Variants in CAMK1D observed in about 807,000 individuals in gnomAD.
CAMK1D encodes calcium/calmodulin dependent protein kinase ID, also known as calcium/calmodulin-dependent protein kinase type 1D.
CAMK1D carries 9 observed loss-of-function variants against 47.7 expected under a neutral mutation model. The ratio of observed to expected loss-of-function variants is 0.19; its 90% CI spans 0.11 to 0.33. The LOEUF (loss-of-function observed/expected upper bound fraction) is 0.33. Ranked by LOEUF, CAMK1D falls within the 10% of genes least tolerant of loss-of-function variation. CAMK1D has a pLI of 1.00. For missense variants in CAMK1D, 291 were observed against 488.7 expected (o/e 0.60, Z 3.81); for synonymous variants, 184 against 184.9 (o/e 0.99, Z 0.04).
intron 2 of CAMK1D, among the ~76,000 whole-genome samples, chr10:12,556,390 C>G (rs1388935252): frequency 6.6e-6 from 1 of 152,208 alleles, no homozygotes; most frequent in Non-Finnish European, 1.5e-5. Flanking sequence ...AGTTTTGTCA[C>G]TAAGTACGTG....
intron 1 of CAMK1D, among the ~76,000 whole-genome samples, chr10:12,502,288 C>T (rs1325302604): frequency 2.6e-5 from 4 of 152,282 alleles, no homozygotes; most frequent in African/African-American, 4.8e-5. Flanking sequence ...GCCAGTCCAA[C>T]GGAAGGAGAA....
At chr10:12,567,348 G>T (rs1455784313) in intron 2 of CAMK1D, among the ~76,000 whole-genome samples, 1 of 152,110 alleles carries the variant, frequency 6.6e-6, no homozygotes, top group Non-Finnish European at 1.5e-5. Flanking sequence ...GCTTTCCCAC[G>T]TACCATGATG....
chr10:12,537,182 C>G (rs1588607879), intron 1 of CAMK1D, among the ~76,000 whole-genome samples: 1 of 152,160 alleles, frequency 6.6e-6, no homozygotes, highest in Non-Finnish European at 1.5e-5. Flanking sequence ...AGTGATTCTC[C>G]TTCCTCAACC....
intron 2 of CAMK1D, among the ~76,000 whole-genome samples, chr10:12,635,070 G>C (rs982249820): frequency 5.9e-5 from 9 of 152,294 alleles, no homozygotes; most frequent in Admixed American, 3.3e-4. Context: ...GGAGGGGCAG[G>C]GACAGTGGAT....
intron 1 of CAMK1D, among the ~76,000 whole-genome samples, chr10:12,371,995 C>T (rs1282462149): frequency 6.6e-6 from 1 of 152,148 alleles, no homozygotes; most frequent in South Asian, 2.1e-4. Context: ...TGTATTTTCA[C>T]TGCACCTTTT....
intron 2 of CAMK1D, among the ~76,000 whole-genome samples, chr10:12,569,832 C>T (rs1428404937): frequency 6.6e-6 from 1 of 151,888 alleles, no homozygotes; most frequent in African/African-American, 2.4e-5. Flanking sequence ...CAGTAGTGAC[C>T]TTGTCACTTA....
chr10:12,523,112 G>T (rs544152589), intron 1 of CAMK1D, among the ~76,000 whole-genome samples: 141 of 151,918 alleles, frequency 9.3e-4, no homozygotes, highest in African/African-American at 2.6e-3. Context: ...CTCAGACGGG[G>T]CGGCTGGGCA....
At chr10:12,514,978 C>A (rs1426081986) in intron 1 of CAMK1D, among the ~76,000 whole-genome samples, 1 of 151,888 alleles carries the variant, frequency 6.6e-6, no homozygotes, top group Admixed American at 6.5e-5. Context: ...AGCCTCCTGA[C>A]TAGCTGGGAC....
intron 1 of CAMK1D, among the ~76,000 whole-genome samples, chr10:12,447,386 G>GT (rs1488601681): frequency 2.7e-4 from 41 of 152,248 alleles, no homozygotes; most frequent in African/African-American, 9.6e-4. Context: ...CCTTCAGATA[G>GT]TTTTTTCCTT....
intron 3 of CAMK1D, among the ~76,000 whole-genome samples, chr10:12,734,803 A>C (rs1415329870): frequency 6.6e-6 from 1 of 152,026 alleles, no homozygotes; most frequent in Non-Finnish European, 1.5e-5. Context: ...TGTTGTCTGC[A>C]TCCTTTCAAG....
At chr10:12,374,763 G>A (rs1294359198) in intron 1 of CAMK1D, among the ~76,000 whole-genome samples, 1 of 151,940 alleles carries the variant, frequency 6.6e-6, no homozygotes, top group Non-Finnish European at 1.5e-5. Context: ...CCAACATGGC[G>A]AAACCTTGTC....
chr10:12,631,011 A>G (rs10906187), intron 2 of CAMK1D, among the ~76,000 whole-genome samples: 57,275 of 151,854 alleles, frequency 0.38, 10,990 homozygotes, highest in South Asian at 0.48. Context: ...AAGCTGTCTC[A>G]AGGGTGCAGC....
intron 3 of CAMK1D, among the ~76,000 whole-genome samples, chr10:12,670,199 ATTTT>A (rs1840570078): frequency 7.9e-6 from 1 of 126,872 alleles, no homozygotes; most frequent in African/African-American, 3.1e-5. Context: ...AGCCCTTGAG[ATTTT>A]CACTTTTAGC....
chr10:12,480,475 A>G (rs923785697), intron 1 of CAMK1D, among the ~76,000 whole-genome samples: 1 of 152,140 alleles, frequency 6.6e-6, no homozygotes, highest in African/African-American at 2.4e-5. Context: ...CACTCAAGGA[A>G]TAAACAAAAT....
At chr10:12,418,275 G>T (rs1045847127) in intron 1 of CAMK1D, among the ~76,000 whole-genome samples, 2 of 152,218 alleles carry the variant, frequency 1.3e-5, no homozygotes, top group African/African-American at 4.8e-5. Flanking sequence ...GCCATGCCTT[G>T]TGAAAGAAGA....
At chr10:12,604,812 C>T (rs996690530) in intron 2 of CAMK1D, among the ~76,000 whole-genome samples, 1 of 152,076 alleles carries the variant, frequency 6.6e-6, no homozygotes, top group African/African-American at 2.4e-5. Flanking sequence ...ACTTAGTTGA[C>T]CAAAGCACCC....
intron 1 of CAMK1D, among the ~76,000 whole-genome samples, chr10:12,517,784 T>A (rs1311102868): frequency 6.6e-6 from 1 of 152,190 alleles, no homozygotes; most frequent in Non-Finnish European, 1.5e-5. Flanking sequence ...AACAGTTTGT[T>A]AAGAAGTTTT....
chr10:12,476,796 C>T (rs756615050), intron 1 of CAMK1D, among the ~76,000 whole-genome samples: 2 of 152,150 alleles, frequency 1.3e-5, no homozygotes, highest in Non-Finnish European at 2.9e-5. Flanking sequence ...AGCCCTTCAT[C>T]GTCTGGCCCC....
At chr10:12,765,847 A>G (rs11816960) in intron 4 of CAMK1D, among the ~76,000 whole-genome samples, 1 of 152,102 alleles carries the variant, frequency 6.6e-6, no homozygotes, top group Admixed American at 6.5e-5. Flanking sequence ...TACATAAGGC[A>G]CAAAAGATTG....
Sources: gnomAD v4.1 joint callset for allele counts (sites outside exome capture counted in the v4.1 genomes callset) on GRCh38, gnomAD v4.1.1 for gene constraint, MANE v1.5 for transcripts, NCBI Gene and HGNC (gene_info 2026-07-23, HGNC 2026-07-21) for gene names.